The following SGCD variants were observed in gnomAD, a reference collection of about 807,000 sequenced individuals.
The protein encoded by SGCD is delta-sarcoglycan.
Under a neutral mutation model 36.6 loss-of-function variants are expected in SGCD, and 18 were observed. The observed-to-expected ratio is 0.49, with a 90% CI of 0.34 to 0.73. The LOEUF (loss-of-function observed/expected upper bound fraction) is 0.73, where lower values mean the gene tolerates loss of function less well. SGCD is among the 30% of genes least tolerant of loss of function. The pLI, the probability that SGCD is intolerant of heterozygous loss-of-function variation, is 0.01. For missense variants in SGCD, 387 were observed against 346.7 expected (o/e 1.12, Z -0.92); for synonymous variants, 133 against 130.6 (o/e 1.02, Z -0.12).
chr5:156,042,074 A>G (rs1759648595), intron 1 of SGCD, among the ~76,000 whole-genome samples: 1 of 152,136 alleles, frequency 6.6e-6, no homozygotes, highest in Non-Finnish European at 1.5e-5. Flanking sequence ...CAACTACTAT[A>G]ATGATTCTAA....
At chr5:155,731,504 C>T in the SGCD span, among the ~76,000 whole-genome samples, 1 of 152,254 alleles carries the variant, frequency 6.6e-6, no homozygotes, top group East Asian at 1.9e-4. Context: ...ATGTTTGTTT[C>T]TCTGGGGAGT....
chr5:156,519,860 A>G (rs1350547947), intron 4 of SGCD, among the ~76,000 whole-genome samples: 1 of 152,238 alleles, frequency 6.6e-6, no homozygotes, highest in Non-Finnish European at 1.5e-5. Flanking sequence ...TTGAAGAAAC[A>G]TTCCTCAAAA....
intron 1 of SGCD, among the ~76,000 whole-genome samples, chr5:156,038,959 A>G (rs1759568316): frequency 6.6e-6 from 1 of 152,156 alleles, no homozygotes; most frequent in South Asian, 2.1e-4. Flanking sequence ...TGACCATGTC[A>G]CCAGGGCCAC....
chr5:155,996,884 G>GATAGATAGATAT (rs1758561452), intron 1 of SGCD, among the ~76,000 whole-genome samples: 1 of 144,634 alleles, frequency 6.9e-6, no homozygotes, highest in Non-Finnish European at 1.5e-5. Context: ...TAGATAGATA[G>GATAGATAGATAT]ATAGATAGAT....
At chr5:156,229,277 C>CACACATATATATATATAT (rs1554085595) in intron 3 of SGCD, among the ~76,000 whole-genome samples, 2 of 56,474 alleles carry the variant, frequency 3.5e-5, no homozygotes, top group Admixed American at 4.8e-4. Flanking sequence ...TATATACATA[C>CACACATATATATATATAT]ATATATATAT....
chr5:156,287,538 A>G (rs1766640173), intron 3 of SGCD, among the ~76,000 whole-genome samples: 1 of 151,944 alleles, frequency 6.6e-6, no homozygotes, highest in Non-Finnish European at 1.5e-5. Context: ...GGTCAGAGTG[A>G]CCGAGGTTTG....
rs927719079 is a variant in SGCD at position 156,536,930 on chromosome 5, G to C, written c.294+28228G>C. Among the ~76,000 whole-genome samples, 8 of 152,214 alleles carry C rather than the reference G, an allele frequency of 5.3e-5. No homozygotes were observed. The East Asian group carries it at 9.7e-4, about 18-fold the overall frequency. ...GTGCGAGCTGCTTTCCATAGTCCTAGACCCTACCAGGATAGTAGTAATGGA... is the reference window on the plus strand; with the variant it reads ...GTGCGAGCTGCTTTCCATAGTCCTACACCCTACCAGGATAGTAGTAATGGA... On this transcript the variant is annotated intron_variant, in intron 4 of 8. Coordinates refer to ENST00000337851, the MANE Select transcript of SGCD (RefSeq NM_000337.6).
At chr5:155,835,999 T>C in the SGCD span, among the ~76,000 whole-genome samples, 1 of 152,156 alleles carries the variant, frequency 6.6e-6, no homozygotes, top group Non-Finnish European at 1.5e-5. Flanking sequence ...GTACTATCTG[T>C]GGTTTCAGGC....
intron 3 of SGCD, among the ~76,000 whole-genome samples, chr5:156,438,218 AAGG>A (rs1411973434): frequency 6.6e-6 from 1 of 152,180 alleles, no homozygotes; most frequent in Non-Finnish European, 1.5e-5. Flanking sequence ...TGGCCTCTAA[AAGG>A]AGGTTTGTAG....
intron 7 of SGCD, among the ~76,000 whole-genome samples, chr5:156,752,403 T>C (rs183769933): frequency 0.015 from 2,239 of 152,110 alleles, 17 homozygotes; most frequent in Non-Finnish European, 0.024. Context: ...TTTCTTTTTT[T>C]CCCCCCCAAG....
At chr5:155,992,517 T>C (rs1022944121) in intron 1 of SGCD, among the ~76,000 whole-genome samples, 1 of 152,200 alleles carries the variant, frequency 6.6e-6, no homozygotes, top group African/African-American at 2.4e-5. Flanking sequence ...TCATGAGCAC[T>C]AATTGGTGAA....
At chr5:156,409,292 T>C (rs1450258787) in intron 3 of SGCD, among the ~76,000 whole-genome samples, 1 of 152,248 alleles carries the variant, frequency 6.6e-6, no homozygotes, top group Non-Finnish European at 1.5e-5. Flanking sequence ...TTCTTCTCTT[T>C]GATGTCTGTG....
At position 155,887,318 on chromosome 5, in the gene SGCD, T is replaced by G. The variant is rs367877147; in HGVS notation, c.-282+16894T>G. ...TTGCTGTCTTGGGTTTTCTGTTCCT[T>G]GGTCTTCCATTTGAGAAGAAAAATG... On this transcript the variant is annotated intron_variant, in intron 1 of 9. Transcript: ENST00000517913. Among the ~76,000 whole-genome samples, 44 of 152,360 alleles carry G rather than the reference T, an allele frequency of 2.9e-4. 1 individual carries two copies. The highest frequency in any genetic ancestry group is 9.9e-4 in the African/African-American group (41 of 41,596).
chr5:155,891,823 A>G (rs190504948), intron 1 of SGCD, among the ~76,000 whole-genome samples: 1 of 152,148 alleles, frequency 6.6e-6, no homozygotes, highest in Admixed American at 6.5e-5. Flanking sequence ...TTAACAAGAG[A>G]AAAATCATTA....
At chr5:156,300,948 A>AT (rs1767037350) in intron 3 of SGCD, among the ~76,000 whole-genome samples, 1 of 151,632 alleles carries the variant, frequency 6.6e-6, no homozygotes, top group African/African-American at 2.4e-5. Flanking sequence ...TTTGGTCTCT[A>AT]TGGCATGGCA....
chr5:156,133,626 A>G (rs1466682472), intron 3 of SGCD, among the ~76,000 whole-genome samples: 3 of 152,112 alleles, frequency 2.0e-5, no homozygotes, highest in African/African-American at 4.8e-5. Context: ...ACTAAAGGAT[A>G]CTTCCTTTAA....
chr5:156,031,861 C>G (rs1343882033), intron 1 of SGCD, among the ~76,000 whole-genome samples: 1 of 152,142 alleles, frequency 6.6e-6, no homozygotes, highest in Non-Finnish European at 1.5e-5. Flanking sequence ...GGCCCAAGTC[C>G]TAATGCCTAC....
At chr5:156,542,271 T>C (rs1342707558) in intron 4 of SGCD, among the ~76,000 whole-genome samples, 1 of 152,130 alleles carries the variant, frequency 6.6e-6, no homozygotes, top group Admixed American at 6.6e-5. Flanking sequence ...AAAAAAATTA[T>C]TTGGACAAAG....
intron 2 of SGCD, among the ~76,000 whole-genome samples, chr5:156,334,797 C>A (rs1179875043): frequency 2.0e-5 from 3 of 152,014 alleles, no homozygotes; most frequent in Non-Finnish European, 2.9e-5. Flanking sequence ...ATCCCAGATG[C>A]CTTGAACAGC....
Sources: allele counts gnomAD v4.1 joint callset (sites outside exome capture counted in the v4.1 genomes callset), GRCh38; gene constraint gnomAD v4.1.1; transcripts MANE v1.5; gene names NCBI Gene and HGNC (gene_info 2026-07-23, HGNC 2026-07-21).